Variants in ABL2 observed in about 807,000 individuals in gnomAD.
The protein encoded by ABL2 is ABL proto-oncogene 2, non-receptor tyrosine kinase, also known as tyrosine-protein kinase ABL2.
Under a neutral mutation model 107.7 loss-of-function variants are expected in ABL2, and 49 were observed. That is an observed-to-expected ratio of 0.45 (90% CI 0.36 to 0.58). The LOEUF (loss-of-function observed/expected upper bound fraction) is 0.58, where lower values mean the gene tolerates loss of function less well. ABL2 is among the 20% of genes least tolerant of loss of function. The probability of loss-of-function intolerance (pLI) is 0.00; values close to 1 mark genes in which losing one functional copy is unlikely to be tolerated. For synonymous variants in ABL2, 549 were observed against 548.6 expected (o/e 1.00, Z -0.01); for missense variants, 1,245 against 1,457.0 (o/e 0.85, Z 2.37).
In ABL2 at chr1:179,107,989, G is replaced by A. The variant is rs1653606762; in HGVS notation, c.3278C>T (p.Ala1093Val). 5 of 1,614,140 alleles carry A rather than the reference G, an allele frequency of 3.1e-6. No individual in the cohort carries two copies. Among genetic ancestry groups the A allele is most frequent in the Non-Finnish European group, 4.2e-6 (5 of 1,180,060 alleles). Residue 1093 changes from alanine (A) to valine (V), a missense_variant, in exon 12 of 12, where the codon GCT (alanine) becomes GTT (valine). Ala to Val is a moderately conservative substitution (Grantham distance 64). Transcript: ENST00000502732. ...CGTGAGTGCACTGGACAGTAGGTCA[G>A]CACATTCCAGCAGGGCCTCTTTGCT... ...KISKEALLEC[A>V]DLLSSALTEP...
rs576826458 is a variant in ABL2, at chr1:179,105,063, T to A, written c.*2655A>T. 4.3e-6 allele frequency: 1 copy of A among 230,050 alleles called. No individual in the cohort carries two copies. The highest frequency in any genetic ancestry group is 5.6e-5 in the Admixed American group (1 of 17,710). 14.3% of individuals were successfully genotyped at this position (230,050 alleles called of 1,614,324 possible). On this transcript the variant is annotated 3_prime_UTR_variant, in exon 12 of 12. Transcript: ENST00000502732. ...CCCCTGAAGTTACATAGTTCAAGCA[T>A]CATGTGGACGGGGTATGCTCCAATA... is the stretch of plus-strand genomic sequence containing the variant.
chr1:179,228,145 A>T (rs887677600), intron 1 of ABL2, among the ~76,000 whole-genome samples: 66 of 151,292 alleles, frequency 4.4e-4, no homozygotes, highest in African/African-American at 1.5e-3. Flanking sequence ...CAGGCAGATT[A>T]CCTGATGTCA....
intron 1 of ABL2, among the ~76,000 whole-genome samples, chr1:179,148,848 C>T (rs140323335): frequency 0.019 from 2,845 of 148,334 alleles, 43 homozygotes; most frequent in Admixed American, 0.03. Flanking sequence ...TGCAGTACGC[C>T]GAGATCATGC....
chr1:179,108,740 G>A lies in ABL2; in HGVS notation c.2527C>T (p.Pro843Ser). The A allele has an allele frequency of 1.2e-6, 2 of 1,614,188 alleles. No homozygotes were observed. Among genetic ancestry groups the A allele is most frequent in the Non-Finnish European group, 1.7e-6 (2 of 1,180,022 alleles). ...LPKKSEESAA[P>S]SRERPKAKLL... ...TTGGCTTTTGGTCTCTCCCTGCTTG[G>A]AGCAGCACTTTCCTCTGATTTTTTT... The change falls in exon 12 of 12, where the codon CCA becomes TCA. Residue 843 changes from proline to serine, a missense_variant. Pro to Ser is a moderately conservative substitution (Grantham distance 74, BLOSUM62 -1). Coordinates refer to ENST00000502732, the MANE Select transcript of ABL2 (RefSeq NM_007314.4).
At chr1:179,195,569 A>T (rs116699945) in intron 1 of ABL2, among the ~76,000 whole-genome samples, 1,743 of 152,316 alleles carry the variant, frequency 0.011, 31 homozygotes, top group African/African-American at 0.039. Context: ...ACTCAGATAT[A>T]CTTGCATGCC....
intron 1 of ABL2, among the ~76,000 whole-genome samples, chr1:179,135,896 G>A (rs1184962600): frequency 6.4e-5 from 9 of 139,910 alleles, no homozygotes; most frequent in Admixed American, 1.4e-4. Flanking sequence ...CTGCCCGGCC[G>A]CCCCTACTGG....
At chr1:179,162,846 A>C (rs1424889241) in intron 1 of ABL2, among the ~76,000 whole-genome samples, 1 of 152,226 alleles carries the variant, frequency 6.6e-6, no homozygotes, top group African/African-American at 2.4e-5. Flanking sequence ...GTCTGAGATC[A>C]CAAGGTGAAT....
chr1:179,177,783 G>A (rs1660134497), intron 1 of ABL2, among the ~76,000 whole-genome samples: 1 of 152,098 alleles, frequency 6.6e-6, no homozygotes, highest in African/African-American at 2.4e-5. Context: ...TTTTTGGTTG[G>A]AGAATAAGAA....
intron 1 of ABL2, chr1:179,201,491 A>T (rs1235693163): frequency 8.0e-6 from 2 of 250,362 alleles, no homozygotes; most frequent in Admixed American, 5.3e-5. Context: ...ATAGTAATCC[A>T]AGGTGATTCC....
chr1:179,213,014 C>A (rs1355561540), intron 1 of ABL2, among the ~76,000 whole-genome samples: 2 of 147,966 alleles, frequency 1.4e-5, no homozygotes, highest in East Asian at 3.9e-4. Flanking sequence ...CCATTGCAAT[C>A]CAGCCTGAGC....
In ABL2 at chr1:179,178,401, C is replaced by CAAAAAAAAAA. The variant is rs572438530; in HGVS notation, c.158-45037_158-45028dup. On this transcript the variant is annotated intron_variant, in intron 1 of 11. Coordinates refer to ENST00000502732, the MANE Select transcript of ABL2 (RefSeq NM_007314.4). Reference sequence around the variant, plus strand: ...TGGGTGACAGAGCAAGACTCTGCCTCAAAAAAAAAAAAAAAAAAATTATTT... The same window carrying CAAAAAAAAAA: ...TGGGTGACAGAGCAAGACTCTGCCTCAAAAAAAAAAAAAAAAAAAAAAAAAAAAATTATTT... Among the ~76,000 whole-genome samples the CAAAAAAAAAA allele has an allele frequency of 3.6e-3, 248 of 68,588 alleles. 4 individuals are homozygous for CAAAAAAAAAA. The highest frequency in any genetic ancestry group is 0.011 in the African/African-American group (210 of 18,830). 45.0% of individuals were successfully genotyped at this position (68,588 alleles called of 152,430 possible). A position where few individuals can be genotyped will look rare whatever the true frequency, so the allele number is the denominator to read the frequency against.
At chr1:179,211,619 AG>A (rs1296857418) in intron 1 of ABL2, among the ~76,000 whole-genome samples, 1 of 152,156 alleles carries the variant, frequency 6.6e-6, no homozygotes, top group African/African-American at 2.4e-5. Flanking sequence ...AATTTAGGCC[AG>A]GCATTGTGGC....
Position 179,101,824 on chromosome 1 carries a change from G to A in ABL2, c.*5894C>T, listed in dbSNP as rs1653113739. ...GGTGAGTGCTCCAGAGTAGGCTGTAGCTTGTCCCACAGCCCTGAATCCCAC... is the reference window on the plus strand; with the variant it reads ...GGTGAGTGCTCCAGAGTAGGCTGTAACTTGTCCCACAGCCCTGAATCCCAC... On this transcript the variant is annotated 3_prime_UTR_variant, in exon 12 of 12. Transcript: ENST00000502732. 5.3e-6 allele frequency: 1 copy of A among 189,116 alleles called. No individual in the cohort carries two copies. The highest frequency in any genetic ancestry group is 1.9e-4 in the South Asian group (1 of 5,154). 11.7% of individuals were successfully genotyped at this position (189,116 alleles called of 1,614,324 possible). A position where few individuals can be genotyped will look rare whatever the true frequency, so the allele number is the denominator to read the frequency against.
chr1:179,229,646 G>GCCGCCGCCGCCGCCA lies in ABL2; in HGVS notation c.-250_-249insTGGCGGCGGCGGCGG, dbSNP rs1553236280. The GCCGCCGCCGCCGCCA allele has an allele frequency of 5.6e-5, 28 of 495,856 alleles. No homozygotes were observed. The Admixed American group carries it at 7.2e-4, about 13-fold the overall frequency. The allele number at this position is 495,856 out of a possible 1,614,324, so 30.7% of individuals were successfully genotyped here. On this transcript the variant is annotated 5_prime_UTR_variant, in exon 1 of 12. Transcript: ENST00000502732. Reference sequence around the variant, plus strand: ...CCGCGCCCCCAACGCCGCCGCCGCCGCCGCCGCCACCGCCGCCGCCATCTT... The same window carrying GCCGCCGCCGCCGCCA: ...CCGCGCCCCCAACGCCGCCGCCGCCGCCGCCGCCGCCGCCACCGCCGCCACCGCCGCCGCCATCTT...
At position 179,099,852 on chromosome 1, in the gene ABL2, A is replaced by G. The variant is rs990280000; in HGVS notation, c.*7866T>C. 4 of 232,452 alleles carry G rather than the reference A, an allele frequency of 1.7e-5. No individual in the cohort carries two copies. Among genetic ancestry groups the G allele is most frequent in the African/African-American group, 8.8e-5 (4 of 45,332 alleles). 14.4% of individuals were successfully genotyped at this position (232,452 alleles called of 1,614,324 possible). A position where few individuals can be genotyped will look rare whatever the true frequency, so the allele number is the denominator to read the frequency against. ...GAGAATCAGACTGCAGAGAAGGAAA[A>G]GTGCAGGGTCTGGGAGGAGATGGAG... On this transcript the variant is annotated 3_prime_UTR_variant, in exon 12 of 12. Coordinates refer to ENST00000502732, the MANE Select transcript of ABL2 (RefSeq NM_007314.4).
chr1:179,113,729 C>T (rs980995337), intron 9 of ABL2, among the ~76,000 whole-genome samples: 1 of 149,748 alleles, frequency 6.7e-6, no homozygotes, highest in African/African-American at 2.5e-5. Context: ...GAGATGGAGA[C>T]CATCCTGGCT....
At position 179,105,480 on chromosome 1, in the gene ABL2, G is replaced by A. The variant is rs1295940230; in HGVS notation, c.*2238C>T. 4 of 229,562 alleles carry A rather than the reference G, an allele frequency of 1.7e-5. No individual in the cohort carries two copies. The highest frequency in any genetic ancestry group is 6.2e-5 in the East Asian group (1 of 16,154). The allele number at this position is 229,562 out of a possible 1,614,324, so 14.2% of individuals were successfully genotyped here. A position where few individuals can be genotyped will look rare whatever the true frequency, so the allele number is the denominator to read the frequency against. On this transcript the variant is annotated 3_prime_UTR_variant, in exon 12 of 12. Coordinates refer to ENST00000502732, the MANE Select transcript of ABL2 (RefSeq NM_007314.4). ...GCTAAAACGAGTTCTTCAAGTTTAC[G>A]GACATGTATGATGAGCAAGAATGGC...
At chr1:179,136,211 C>T (rs1290918692) in intron 1 of ABL2, among the ~76,000 whole-genome samples, 2 of 151,796 alleles carry the variant, frequency 1.3e-5, no homozygotes, top group East Asian at 2.0e-4. Context: ...GGGAGGTGTA[C>T]CCAACAGCTC....
intron 1 of ABL2, among the ~76,000 whole-genome samples, chr1:179,152,203 C>G (rs1305034921): frequency 1.3e-5 from 2 of 152,160 alleles, no homozygotes; most frequent in Non-Finnish European, 2.9e-5. Flanking sequence ...CATTATACCT[C>G]TGCTCTGGTC....
Sources: gnomAD v4.1 joint callset for allele counts (sites outside exome capture counted in the v4.1 genomes callset) on GRCh38, gnomAD v4.1.1 for gene constraint, MANE v1.5 for transcripts, NCBI Gene and HGNC (gene_info 2026-07-23, HGNC 2026-07-21) for gene names.